Variants in ROR1 observed in about 807,000 individuals in gnomAD.
ROR1 encodes inactive tyrosine-protein kinase transmembrane receptor ROR1.
A neutral mutation model predicts 78.8 loss-of-function variants in ROR1; 19 were observed. The observed-to-expected ratio is 0.24, with a 90% CI of 0.17 to 0.35. The LOEUF (loss-of-function observed/expected upper bound fraction) is 0.35. ROR1 is among the 10% of genes least tolerant of loss of function. The pLI is 1.00. For synonymous variants in ROR1, 386 were observed against 433.6 expected, an observed-to-expected ratio of 0.89 and a Z score of 1.36; for missense variants, 917 against 1,177.8, an observed-to-expected ratio of 0.78 and a Z score of 3.24.
At chr1:64,081,933 T>C (rs55748712) in intron 4 of ROR1, among the ~76,000 whole-genome samples, 22,577 of 152,140 alleles carry the variant, frequency 0.15, 1,754 homozygotes, top group Middle Eastern at 0.2. Flanking sequence ...TATGTTAGTA[T>C]GTTTATAACG....
chr1:63,785,670 C>A (rs1557495147), intron 1 of ROR1, among the ~76,000 whole-genome samples: 2 of 151,830 alleles, frequency 1.3e-5, no homozygotes, highest in Non-Finnish European at 2.9e-5. Context: ...GGATTACAGG[C>A]GCCTGCCACC....
intron 1 of ROR1, among the ~76,000 whole-genome samples, chr1:63,839,602 G>A (rs902743039): frequency 1.9e-4 from 29 of 152,044 alleles, no homozygotes; most frequent in African/African-American, 7.0e-4. Flanking sequence ...CTGAGAAAGT[G>A]AAAGACTAGG....
chr1:63,922,249 C>T (rs544136530), intron 1 of ROR1, among the ~76,000 whole-genome samples: 1 of 152,198 alleles, frequency 6.6e-6, no homozygotes, highest in South Asian at 2.1e-4. Flanking sequence ...CACAACACTC[C>T]TAGGAGGAAG....
chr1:63,798,516 G>A (rs1019791942), intron 1 of ROR1, among the ~76,000 whole-genome samples: 2 of 152,134 alleles, frequency 1.3e-5, no homozygotes, highest in Admixed American at 6.5e-5. Flanking sequence ...CATGCAGTCC[G>A]CTGCCATAGA....
intron 1 of ROR1, among the ~76,000 whole-genome samples, chr1:63,919,595 G>T (rs1645638169): frequency 6.6e-6 from 1 of 151,354 alleles, no homozygotes; most frequent in Non-Finnish European, 1.5e-5. Context: ...AGAGCATAAT[G>T]GGTAAGCATC....
intron 4 of ROR1, among the ~76,000 whole-genome samples, chr1:64,080,035 G>A (rs756212575): frequency 6.6e-6 from 1 of 152,108 alleles, no homozygotes; most frequent in Non-Finnish European, 1.5e-5. Context: ...CCCTTAGCTG[G>A]GATGACTAAA....
At chr1:64,090,004 G>A (rs879724643) in intron 4 of ROR1, among the ~76,000 whole-genome samples, 11 of 151,920 alleles carry the variant, frequency 7.2e-5, no homozygotes, top group Non-Finnish European at 1.6e-4. Flanking sequence ...ATTCCCTCTT[G>A]CCTGCCTCCA....
At chr1:63,808,980 G>A (rs1471052205) in intron 1 of ROR1, among the ~76,000 whole-genome samples, 1 of 152,010 alleles carries the variant, frequency 6.6e-6, no homozygotes, top group Non-Finnish European at 1.5e-5. Context: ...TGGACCTTGG[G>A]GCTAGATGTA....
intron 2 of ROR1, among the ~76,000 whole-genome samples, chr1:64,014,759 T>C (rs1646505968): frequency 4.8e-5 from 2 of 41,758 alleles, no homozygotes; most frequent in East Asian, 4.3e-3. Context: ...TATATATATA[T>C]ATATATATAT....
At chr1:63,931,574 T>TG (rs1293751848) in intron 1 of ROR1, among the ~76,000 whole-genome samples, 1 of 152,208 alleles carries the variant, frequency 6.6e-6, no homozygotes, top group Non-Finnish European at 1.5e-5. Flanking sequence ...TAAAATTACA[T>TG]GCTGTCCCAA....
intron 4 of ROR1, among the ~76,000 whole-genome samples, chr1:64,059,348 C>T (rs142739940): frequency 1.2e-4 from 18 of 152,048 alleles, no homozygotes; most frequent in African/African-American, 2.7e-4. Flanking sequence ...TTGTTTTTGC[C>T]GTTTGTTTGG....
intron 1 of ROR1, among the ~76,000 whole-genome samples, chr1:63,941,468 G>C (rs1645839632): frequency 6.6e-6 from 1 of 152,176 alleles, no homozygotes; most frequent in Non-Finnish European, 1.5e-5. Context: ...CAAAGTAAAA[G>C]GTTTTTTAAG....
At chr1:64,036,263 C>T (rs961484524) in intron 2 of ROR1, among the ~76,000 whole-genome samples, 1 of 152,164 alleles carries the variant, frequency 6.6e-6, no homozygotes, top group African/African-American at 2.4e-5. Flanking sequence ...ATCCATCCAC[C>T]CATCCATCCA....
chr1:64,045,171 G>A (rs1009706090), intron 2 of ROR1, among the ~76,000 whole-genome samples: 1 of 152,118 alleles, frequency 6.6e-6, no homozygotes, highest in Non-Finnish European at 1.5e-5. Context: ...TATCAAAGAA[G>A]AATATCCTAA....
chr1:64,139,463 G>T (rs961081246), intron 5 of ROR1, among the ~76,000 whole-genome samples: 31 of 152,266 alleles, frequency 2.0e-4, no homozygotes, highest in African/African-American at 7.0e-4. Context: ...GGTATTCAAA[G>T]GTAGGCTGGT....
intron 1 of ROR1, among the ~76,000 whole-genome samples, chr1:63,902,778 C>T (rs2100405273): frequency 6.6e-6 from 1 of 152,300 alleles, no homozygotes; most frequent in Non-Finnish European, 1.5e-5. Context: ...GTAATGAAAA[C>T]AGGAGATAGG....
chr1:63,950,371 A>T (rs1645924831), intron 1 of ROR1, among the ~76,000 whole-genome samples: 1 of 152,194 alleles, frequency 6.6e-6, no homozygotes, highest in African/African-American at 2.4e-5. Flanking sequence ...CAGACCATAT[A>T]GGGTAACTTC....
chr1:64,140,796 C>T (rs1357993760), intron 6 of ROR1, among the ~76,000 whole-genome samples: 1 of 152,086 alleles, frequency 6.6e-6, no homozygotes, highest in Non-Finnish European at 1.5e-5. Context: ...GGAAATGACC[C>T]AAATGCCATC....
chr1:63,842,137 CT>C (rs1406382257), intron 1 of ROR1, among the ~76,000 whole-genome samples: 1 of 152,130 alleles, frequency 6.6e-6, no homozygotes, highest in Admixed American at 6.6e-5. Flanking sequence ...TATTTGATTC[CT>C]TTTTTCTCCC....
Sources: allele counts gnomAD v4.1 joint callset (sites outside exome capture counted in the v4.1 genomes callset), GRCh38; gene constraint gnomAD v4.1.1; transcripts MANE v1.5; gene names NCBI Gene and HGNC (gene_info 2026-07-23, HGNC 2026-07-21).